Variants in MAP2K5 observed in about 807,000 individuals in gnomAD.
MAP2K5 encodes the protein mitogen-activated protein kinase kinase 5.
In MAP2K5, 49 loss-of-function variants were observed where a neutral mutation model predicts 83.1. The ratio of observed to expected loss-of-function variants is 0.59; its 90% CI spans 0.47 to 0.75. The LOEUF (loss-of-function observed/expected upper bound fraction) is 0.75. Among genes scored for constraint, MAP2K5 ranks in the 30% least tolerant of loss-of-function variants. The pLI is 0.00. For missense variants in MAP2K5, 457 were observed against 557.5 expected, an observed-to-expected ratio of 0.82 and a Z score of 1.82; for synonymous variants, 202 against 191.8, an observed-to-expected ratio of 1.05 and a Z score of -0.44.
intron 12 of MAP2K5, 116 bp downstream of exon 12, chr15:67,658,730 G>T: frequency 1.2e-6 from 1 of 861,084 alleles, no homozygotes. Context: ...TGGCTCCTAA[G>T]ACCTTCTTGA....
chr15:67,646,397 T>G lies in MAP2K5; in HGVS notation c.664T>G (p.Ser222Ala). Residue 222 changes from serine (S) to alanine (A), a missense_variant, in exon 11 of 22, where the codon TCA (serine) becomes GCA (alanine). Around this residue, in one of 3 missense-constraint regions of MAP2K5, gnomAD observed 168 missense variants for 263.0 expected, o/e 0.64. Transcript: ENST00000178640. ...ELEILYKCDSSYIIGFYGAFF... is the reference protein window; with the variant it reads ...ELEILYKCDSAYIIGFYGAFF... Reference sequence around the variant, plus strand: ...CTTATTTTTGTTACAGTGCGATTCATCATATATCATTGGATTTTATGGAGC... The same window carrying G: ...CTTATTTTTGTTACAGTGCGATTCAGCATATATCATTGGATTTTATGGAGC... The G allele has an allele frequency of 6.3e-7, 1 of 1,590,518 alleles. No homozygotes were observed. Among genetic ancestry groups the G allele is most frequent in the Non-Finnish European group, 8.6e-7 (1 of 1,160,204 alleles).
chr15:67,659,928 T>C (rs552712006), intron 12 of MAP2K5, among the ~76,000 whole-genome samples: 50 of 152,212 alleles, frequency 3.3e-4, no homozygotes, highest in African/African-American at 1.2e-3. Context: ...GGAAGACTGT[T>C]GAAGTGAATA....
intron 8 of MAP2K5, among the ~76,000 whole-genome samples, chr15:67,615,954 C>T (rs911221889): frequency 2.6e-5 from 4 of 152,148 alleles, no homozygotes; most frequent in Non-Finnish European, 5.9e-5. Flanking sequence ...ATACAATCAA[C>T]TCTCAGATTC....
intron 21 of MAP2K5, among the ~76,000 whole-genome samples, chr15:67,795,588 T>C (rs538937802): frequency 1.3e-5 from 2 of 152,368 alleles, no homozygotes; most frequent in Admixed American, 6.5e-5. Context: ...GCATGCTATG[T>C]ATAACATCAG....
At chr15:67,607,009 CTG>C (rs2085792633) in intron 8 of MAP2K5, among the ~76,000 whole-genome samples, 1 of 152,012 alleles carries the variant, frequency 6.6e-6, no homozygotes, top group African/African-American at 2.4e-5. Flanking sequence ...TCGCTTGTGG[CTG>C]TGTTAGTGGC....
intron 4 of MAP2K5, among the ~76,000 whole-genome samples, chr15:67,582,505 C>T (rs2085200814): frequency 6.6e-6 from 1 of 152,064 alleles, no homozygotes; most frequent in South Asian, 2.1e-4. Flanking sequence ...ATAGAAAACC[C>T]TAATTGCAGT....
At chr15:67,773,823 A>G (rs908667525) in intron 21 of MAP2K5, among the ~76,000 whole-genome samples, 2 of 152,058 alleles carry the variant, frequency 1.3e-5, no homozygotes, top group Non-Finnish European at 2.9e-5. Flanking sequence ...GGTCTCTGTG[A>G]TGGTTGGGAA....
intron 15 of MAP2K5, among the ~76,000 whole-genome samples, chr15:67,696,618 G>A (rs1356765095): frequency 1.3e-5 from 2 of 151,928 alleles, no homozygotes; most frequent in Non-Finnish European, 2.9e-5. Context: ...CAGGGAACAC[G>A]ACATTATATG....
rs2090165479 is a variant in MAP2K5 at position 67,772,693 on chromosome 15, T to C, written c.1197-14T>C. On this transcript the variant is annotated splice_polypyrimidine_tract_variant and intron_variant, in intron 20 of 21. Coordinates refer to ENST00000178640, the MANE Select transcript of MAP2K5 (RefSeq NM_145160.3). Reference sequence around the variant, plus strand: ...ACACAGATAACATAAGGGGTTTTTTTCTCTCCACTATAGTATGCGAAAACA... The same window carrying C: ...ACACAGATAACATAAGGGGTTTTTTCCTCTCCACTATAGTATGCGAAAACA... The C allele has an allele frequency of 3.2e-6, 5 of 1,544,060 alleles. No individual in the cohort carries two copies. Among genetic ancestry groups the C allele is most frequent in the Non-Finnish European group, 4.4e-6 (5 of 1,145,864 alleles).
At chr15:67,773,513 T>C (rs564917036) in intron 21 of MAP2K5, among the ~76,000 whole-genome samples, 9 of 152,358 alleles carry the variant, frequency 5.9e-5, no homozygotes, top group African/African-American at 2.2e-4. Flanking sequence ...TCACCTTCTT[T>C]AAACAATATG....
intron 17 of MAP2K5, among the ~76,000 whole-genome samples, chr15:67,745,902 G>A (rs577099268): frequency 2.8e-4 from 43 of 152,248 alleles, no homozygotes; most frequent in African/African-American, 1.0e-3. Flanking sequence ...TACTGGCACT[G>A]TTACCTTAAT....
chr15:67,749,251 A>G lies in MAP2K5; in HGVS notation c.1134+650A>G, dbSNP rs770102913. Among the ~76,000 whole-genome samples the G allele has an allele frequency of 6.6e-6, 1 of 152,110 alleles. No homozygotes were observed. Among genetic ancestry groups the G allele is most frequent in the Non-Finnish European group, 1.5e-5 (1 of 68,020 alleles). On this transcript the variant is annotated intron_variant, in intron 19 of 21. Coordinates refer to ENST00000178640, the MANE Select transcript of MAP2K5 (RefSeq NM_145160.3). The surrounding 1 kb of genome is among the most constrained non-coding windows in gnomAD (Gnocchi z 4.6). ...CTAATCTACCTGCCTTTCTCTCTCA[A>G]TCGACTTTGTCTACTTCTTATTCTG... is the stretch of plus-strand genomic sequence containing the variant.
rs1423299110 is a variant in MAP2K5, at chr15:67,573,445, C to T, written c.253-7309C>T. Among the ~76,000 whole-genome samples the T allele has an allele frequency of 2.6e-5, 4 of 152,022 alleles. No individual in the cohort carries two copies. Among genetic ancestry groups the T allele is most frequent in the African/African-American group, 9.7e-5 (4 of 41,358 alleles). ...CACACACTTTTAAACCATCAGATCT[C>T]GTGAGAATCCACTCACTATCATGAG... On this transcript the variant is annotated intron_variant, in intron 3 of 21. Transcript: ENST00000178640. The surrounding 1 kb of genome is among the most constrained non-coding windows in gnomAD (Gnocchi z 4.2).
chr15:67,785,523 C>G lies in MAP2K5; in HGVS notation c.1242+12771C>G, dbSNP rs1255059703. Among the ~76,000 whole-genome samples the G allele has an allele frequency of 1.3e-5, 2 of 152,156 alleles. No individual in the cohort carries two copies. Among genetic ancestry groups the G allele is most frequent in the Non-Finnish European group, 2.9e-5 (2 of 68,040 alleles). ...AACACAAATCCATCATACATGCAAA[C>G]AAAGTAGTCAGGTCACACAAACAGG... On this transcript the variant is annotated intron_variant, in intron 21 of 21. Transcript: ENST00000178640. This position sits in a 1 kb window ranked among gnomAD's most constrained non-coding sequence, Gnocchi z 4.4.
rs1266735760 is a variant in MAP2K5, at chr15:67,746,647, T to G, written c.1075-1584T>G. The stretch of plus-strand genomic sequence containing the variant: ...GCAGAATCTTGTCTGGAAATACTCA[T>G]GGACTGGAGAAACCAGAAGAAGCAG... On this transcript the variant is annotated intron_variant, in intron 17 of 21. Coordinates refer to ENST00000178640, the MANE Select transcript of MAP2K5 (RefSeq NM_145160.3). The surrounding 1 kb of genome is among the most constrained non-coding windows in gnomAD (Gnocchi z 4.1). Among the ~76,000 whole-genome samples the G allele has an allele frequency of 6.6e-6, 1 of 152,112 alleles. No homozygotes were observed. The highest frequency in any genetic ancestry group is 1.9e-4 in the East Asian group (1 of 5,188).
Position 67,600,749 on chromosome 15 carries a change from A to G in MAP2K5, c.545A>G (p.Lys182Arg), listed in dbSNP as rs181219518. Residue 182 changes from lysine (K) to arginine (R), a missense_variant and splice_region_variant, in exon 8 of 22, where the codon AAA becomes AGA. Physicochemically the swap from Lys to Arg is conservative, Grantham distance 26. Around this residue, in one of 3 missense-constraint regions of MAP2K5, gnomAD observed 234 missense variants for 243.6 expected, o/e 0.96. Transcript: ENST00000178640. ...LGHGNGGTVY[K>R]AYHVPSGKIL... Reference sequence around the variant, plus strand: ...CATGGCAACGGAGGCACAGTCTACAAGTGAGTAGTCAATTTTGTTTAAACT... The same window carrying G: ...CATGGCAACGGAGGCACAGTCTACAGGTGAGTAGTCAATTTTGTTTAAACT... 6 of 1,600,228 alleles carry G rather than the reference A, an allele frequency of 3.7e-6. No homozygotes were observed. The highest frequency in any genetic ancestry group is 1.8e-5 in the Admixed American group (1 of 55,906).
Position 67,778,701 on chromosome 15 carries a change from T to C in MAP2K5, c.1242+5949T>C, listed in dbSNP as rs2090277976. The stretch of plus-strand genomic sequence containing the variant: ...GGTAGGGGGATTTCTTACCTGTTAC[T>C]GTTTACTAGAAGCACGGGGCTCAGA... On this transcript the variant is annotated intron_variant, in intron 21 of 21. Transcript: ENST00000178640. The surrounding 1 kb of genome is among the most constrained non-coding windows in gnomAD (Gnocchi z 5.0). Among the ~76,000 whole-genome samples, 1 of 152,334 alleles carries C rather than the reference T, an allele frequency of 6.6e-6. No individual in the cohort carries two copies. Among genetic ancestry groups the C allele is most frequent in the East Asian group, 1.9e-4 (1 of 5,186 alleles).
At position 67,638,106 on chromosome 15, in the gene MAP2K5, G is replaced by A. The variant is rs1168286993; in HGVS notation, c.585+7179G>A. 6.6e-6 allele frequency among the ~76,000 whole-genome samples: 1 copy of A among 151,574 alleles called. No individual in the cohort carries two copies. Among genetic ancestry groups the A allele is most frequent in the Non-Finnish European group, 1.5e-5 (1 of 67,960 alleles). ...AATTTAACTTTTAAGGGGTACATGT[G>A]CAGGTTTGTTATATAAGTATACTTG... On this transcript the variant is annotated intron_variant, in intron 9 of 21. Coordinates refer to ENST00000178640, the MANE Select transcript of MAP2K5 (RefSeq NM_145160.3). The surrounding 1 kb of genome is among the most constrained non-coding windows in gnomAD (Gnocchi z 4.5).
chr15:67,799,366 G>A (rs910478514), intron 21 of MAP2K5, among the ~76,000 whole-genome samples: 4 of 152,230 alleles, frequency 2.6e-5, no homozygotes, highest in African/African-American at 9.6e-5. Flanking sequence ...TGCTCTGTGT[G>A]GAGGAATAAC....
Sources: gnomAD v4.1 joint callset for allele counts (sites outside exome capture counted in the v4.1 genomes callset) on GRCh38, gnomAD v4.1.1 for gene constraint, gnomAD v4.1.1 regional missense constraint, Gnocchi (gnomAD v3.1) non-coding constraint, MANE v1.5 for transcripts, NCBI Gene and HGNC (gene_info 2026-07-23, HGNC 2026-07-21) for gene names.